ADAMTSL1: variants seen among roughly 807,000 people sequenced by gnomAD.
ADAMTSL1 encodes the protein ADAMTS like 1, also known as ADAMTS-like protein 1.
Under a neutral mutation model 201.8 loss-of-function variants are expected in ADAMTSL1, and 126 were observed. The ratio of observed to expected loss-of-function variants is 0.62; its 90% confidence interval spans 0.54 to 0.72. The LOEUF is 0.72. Among genes scored for constraint, ADAMTSL1 ranks in the 30% least tolerant of loss-of-function variants. The pLI is 0.00. For missense variants in ADAMTSL1, 2,679 were observed against 2,277.8 expected, an observed-to-expected ratio of 1.18 and a Z score of -3.59; for synonymous variants, 1,121 against 903.4, an observed-to-expected ratio of 1.24 and a Z score of -4.32.
intron 2 of ADAMTSL1, among the ~76,000 whole-genome samples, chr9:18,233,200 C>A (rs1046875394): frequency 6.6e-6 from 1 of 152,152 alleles, no homozygotes; most frequent in Non-Finnish European, 1.5e-5. Flanking sequence ...ATCCAGAGAG[C>A]ACCTTATATT....
intron 3 of ADAMTSL1, among the ~76,000 whole-genome samples, chr9:18,559,959 G>A (rs1821372196): frequency 6.6e-6 from 1 of 152,126 alleles, no homozygotes; most frequent in Non-Finnish European, 1.5e-5. Flanking sequence ...TGCAAACAGA[G>A]ACAATTTGAC....
intron 2 of ADAMTSL1, among the ~76,000 whole-genome samples, chr9:18,437,636 A>G (rs1324813881): frequency 6.6e-6 from 1 of 152,082 alleles, no homozygotes; most frequent in Admixed American, 6.5e-5. Context: ...TACAGAGATA[A>G]CTTTTGAGAG....
intron 2 of ADAMTSL1, among the ~76,000 whole-genome samples, chr9:18,373,795 T>A (rs1837162105): frequency 6.6e-6 from 1 of 152,190 alleles, no homozygotes. Flanking sequence ...CTTTGGTCTT[T>A]CCTGCTACCC....
chr9:18,817,023 A>G (rs1464081639), intron 20 of ADAMTSL1, 86 bp from the exon 21 acceptor site: 4 of 1,521,404 alleles, frequency 2.6e-6, no homozygotes, highest in African/African-American at 1.4e-5. Context: ...CCAGCCATGC[A>G]TTGGTGGTTA....
upstream of ADAMTSL1, among the ~76,000 whole-genome samples, chr9:18,471,739 G>A (rs1427282177): frequency 6.6e-6 from 1 of 152,160 alleles, no homozygotes; most frequent in African/African-American, 2.4e-5. Context: ...GCATCCTCCA[G>A]GCATTCAACA....
intron 1 of ADAMTSL1, among the ~76,000 whole-genome samples, chr9:17,960,637 C>T (rs1817710640): frequency 6.6e-6 from 1 of 152,180 alleles, no homozygotes; most frequent in South Asian, 2.1e-4. Flanking sequence ...AAGCATGCAA[C>T]ATTGTCTTTT....
At chr9:18,205,276 A>C (rs1829602839) in intron 2 of ADAMTSL1, among the ~76,000 whole-genome samples, 1 of 152,236 alleles carries the variant, frequency 6.6e-6, no homozygotes, top group African/African-American at 2.4e-5. Context: ...TCTTAGAAAT[A>C]GTTTACCAAT....
intron 1 of ADAMTSL1, among the ~76,000 whole-genome samples, chr9:18,487,907 A>AT: frequency 6.6e-6 from 1 of 152,118 alleles, no homozygotes; most frequent in East Asian, 1.9e-4. Context: ...TAAGACACAA[A>AT]TTTTTTTTCT....
At chr9:18,265,679 T>G (rs1282521971) in intron 2 of ADAMTSL1, among the ~76,000 whole-genome samples, 1 of 152,134 alleles carries the variant, frequency 6.6e-6, no homozygotes, top group Non-Finnish European at 1.5e-5. Flanking sequence ...TGCTAACTAT[T>G]GTACTCATAT....
chr9:18,771,207 T>C (rs1267137537), intron 17 of ADAMTSL1, among the ~76,000 whole-genome samples: 1 of 152,194 alleles, frequency 6.6e-6, no homozygotes, highest in Non-Finnish European at 1.5e-5. Context: ...TCCAAGTTAC[T>C]GGACAATAAA....
At position 18,776,993 on chromosome 9, in the gene ADAMTSL1, A is replaced by T. The variant is rs1401184799; in HGVS notation, c.2764A>T (p.Thr922Ser). 6.2e-7 allele frequency: 1 copy of T among 1,600,628 alleles called. No homozygotes were observed. The highest frequency in any genetic ancestry group is 2.2e-5 in the East Asian group (1 of 44,586). ...GGACGGCCAGCACCTCATCAGCTCG[A>T]CGCACGTCACGGTGGCCCCCTTCGG... is the stretch of plus-strand genomic sequence containing the variant. Reference protein sequence around the residue: ...EKDGQHLISSTHVTVAPFGYL... With the variant: ...EKDGQHLISSSHVTVAPFGYL... The change falls in exon 19 of 29, where the codon ACG (threonine) becomes TCG (serine). Residue 922 changes from threonine (T) to serine (S), a missense_variant. Transcript: ENST00000380548.
At chr9:18,557,959 T>C (rs1821205403) in intron 3 of ADAMTSL1, among the ~76,000 whole-genome samples, 1 of 152,072 alleles carries the variant, frequency 6.6e-6, no homozygotes, top group Non-Finnish European at 1.5e-5. Flanking sequence ...CACAATGAAG[T>C]AATAATCATA....
intron 2 of ADAMTSL1, among the ~76,000 whole-genome samples, chr9:18,191,808 A>G (rs574431754): frequency 6.6e-6 from 1 of 152,128 alleles, no homozygotes; most frequent in Non-Finnish European, 1.5e-5. Flanking sequence ...TATTTCTCAA[A>G]ATATTTTGTT....
intron 9 of ADAMTSL1, among the ~76,000 whole-genome samples, chr9:18,674,223 A>ACACACACACAC (rs1564139447): frequency 2.0e-4 from 26 of 130,658 alleles, no homozygotes; most frequent in African/African-American, 7.3e-4. Context: ...CACACACACA[A>ACACACACACAC]ACACACACAT....
At chr9:18,369,766 G>C (rs1386395029) in intron 2 of ADAMTSL1, among the ~76,000 whole-genome samples, 1 of 152,160 alleles carries the variant, frequency 6.6e-6, no homozygotes. Context: ...ATCAATGGAT[G>C]CCTGGAAGAA....
chr9:17,922,699 G>A (rs10810875), intron 1 of ADAMTSL1, among the ~76,000 whole-genome samples: 131,105 of 152,088 alleles, frequency 0.86, 56,635 homozygotes, highest in East Asian at 0.94. Context: ...AGGTGGGAGT[G>A]AACCACGCAT....
rs1428854426 is a variant in ADAMTSL1 at position 18,770,541 on chromosome 9, C to T, written c.2218-61C>T. On this transcript the variant is annotated intron_variant, in intron 16 of 28. Coordinates refer to ENST00000380548, the MANE Select transcript of ADAMTSL1 (RefSeq NM_001040272.6). Reference sequence around the variant, plus strand: ...TCTGCCAAATTAAGATAAGAATTAGCAGTCAGACTGCCTTCCCATATTGGG... The same window carrying T: ...TCTGCCAAATTAAGATAAGAATTAGTAGTCAGACTGCCTTCCCATATTGGG... 10 of 1,469,444 alleles carry T rather than the reference C, an allele frequency of 6.8e-6. No homozygotes were observed. The African/African-American group carries it at 1.1e-4, about 17-fold the overall frequency. 91.0% of individuals were successfully genotyped at this position (1,469,444 alleles called of 1,614,324 possible).
intron 2 of ADAMTSL1, among the ~76,000 whole-genome samples, chr9:18,335,371 A>G (rs576722174): frequency 2.0e-5 from 3 of 152,044 alleles, no homozygotes; most frequent in Non-Finnish European, 4.4e-5. Context: ...TGTGTTGTCC[A>G]GGCTGGTTTT....
At chr9:18,432,132 AT>A (rs892658510) in intron 2 of ADAMTSL1, among the ~76,000 whole-genome samples, 15 of 151,672 alleles carry the variant, frequency 9.9e-5, no homozygotes, top group East Asian at 3.9e-4. Flanking sequence ...GTTGAAAAGA[AT>A]TTTTTTTTAG....
Sources: gnomAD v4.1 joint callset for allele counts (sites outside exome capture counted in the v4.1 genomes callset) on GRCh38, gnomAD v4.1.1 for gene constraint, MANE v1.5 for transcripts, NCBI Gene and HGNC (gene_info 2026-07-23, HGNC 2026-07-21) for gene names.